The following CUX2 variants were observed in gnomAD, a reference collection of about 807,000 sequenced individuals.
The protein encoded by CUX2 is cut like homeobox 2.
Under a neutral mutation model 144.8 loss-of-function variants are expected in CUX2, and 40 were observed. That is an observed-to-expected ratio of 0.28 (90% CI 0.21 to 0.36). The LOEUF (loss-of-function observed/expected upper bound fraction) is 0.36. CUX2 is among the 10% of genes least tolerant of loss of function. CUX2 has a pLI of 1.00. For missense variants in CUX2, 1,615 were observed against 1,994.0 expected, an observed-to-expected ratio of 0.81 and a Z score of 3.62; for synonymous variants, 827 against 875.6, an observed-to-expected ratio of 0.94 and a Z score of 0.98.
intron 3 of CUX2, among the ~76,000 whole-genome samples, chr12:111,247,450 G>A (rs1047719182): frequency 1.3e-5 from 2 of 152,240 alleles, no homozygotes; most frequent in Non-Finnish European, 2.9e-5. Context: ...CTGGTATTTC[G>A]GAGAACTTGT....
In CUX2 at chr12:111,277,918, G is replaced by A. The variant is rs531648190; in HGVS notation, c.302-13500G>A. ...TCACTGGGCAACAATCAAAGCATTCGCAGGGCCGGGTTGTTTCTGAAAGCA... is the reference window on the plus strand; with the variant it reads ...TCACTGGGCAACAATCAAAGCATTCACAGGGCCGGGTTGTTTCTGAAAGCA... On this transcript the variant is annotated intron_variant, in intron 4 of 21. Transcript: ENST00000261726. The surrounding 1 kb of genome is among the most constrained non-coding windows in gnomAD (Gnocchi z 5.0). Among the ~76,000 whole-genome samples the A allele has an allele frequency of 3.3e-5, 5 of 152,292 alleles. No homozygotes were observed. Among genetic ancestry groups the A allele is most frequent in the Non-Finnish European group, 5.9e-5 (4 of 68,038 alleles).
At chr12:111,236,314 A>T (rs1013839283) in intron 3 of CUX2, among the ~76,000 whole-genome samples, 2 of 152,230 alleles carry the variant, frequency 1.3e-5, no homozygotes, top group African/African-American at 2.4e-5. Context: ...CACAGCAGCC[A>T]GATCTCCTGG....
intron 1 of CUX2, chr12:111,099,626 T>A: frequency 2.2e-6 from 1 of 456,718 alleles, no homozygotes; most frequent in Non-Finnish European, 4.4e-6. Context: ...CCTGCAGGGA[T>A]CCTGGCTGGG....
chr12:111,087,172 A>C (rs937543351), intron 1 of CUX2, among the ~76,000 whole-genome samples: 1 of 152,018 alleles, frequency 6.6e-6, no homozygotes. Context: ...CCTGGCCAAC[A>C]TGGTGAAACC....
chr12:111,067,205 G>A (rs900277633), intron 1 of CUX2, among the ~76,000 whole-genome samples: 3 of 152,216 alleles, frequency 2.0e-5, no homozygotes, highest in Admixed American at 1.3e-4. Flanking sequence ...GAAGCTGCCA[G>A]TCATAGTATG....
At position 111,320,816 on chromosome 12, in the gene CUX2, A is replaced by G. The variant is rs4766505; in HGVS notation, c.2766+41A>G. On this transcript the variant is annotated intron_variant, in intron 17 of 21. Coordinates refer to ENST00000261726, the MANE Select transcript of CUX2 (RefSeq NM_015267.4). This position sits in a 1 kb window ranked among gnomAD's most constrained non-coding sequence, Gnocchi z 8.1. The stretch of plus-strand genomic sequence containing the variant: ...GCCCCCGGTGTCTGGGCTCTGGGAG[A>G]AGATGTCGGAGAAGTAGGATGCCCA... The G allele has an allele frequency of 0.3, 436,521 of 1,435,144 alleles. 87,230 individuals carry two copies. Among genetic ancestry groups the G allele is most frequent in the East Asian group, 0.91 (33,243 of 36,694 alleles). 88.9% of individuals were successfully genotyped at this position (1,435,144 alleles called of 1,614,324 possible). A position where few individuals can be genotyped will look rare whatever the true frequency, so the allele number is the denominator to read the frequency against.
At chr12:111,234,364 T>A (rs1258548371) in intron 3 of CUX2, among the ~76,000 whole-genome samples, 8 of 152,202 alleles carry the variant, frequency 5.3e-5, no homozygotes, top group Non-Finnish European at 8.8e-5. Flanking sequence ...ATAAAGCTCC[T>A]ACTATGCATT....
chr12:111,292,458 C>T (rs781064379), intron 5 of CUX2, among the ~76,000 whole-genome samples: 4 of 152,136 alleles, frequency 2.6e-5, no homozygotes, highest in Admixed American at 2.6e-4. Context: ...GGTTTGGTGG[C>T]TCACACCTGT....
At position 111,037,782 on chromosome 12, in the gene CUX2, CT is replaced by C. The variant is rs941223545; in HGVS notation, c.63+3553del. Among the ~76,000 whole-genome samples the C allele has an allele frequency of 4.0e-4, 59 of 147,568 alleles. No individual in the cohort carries two copies. Among genetic ancestry groups the C allele is most frequent in the Admixed American group, 5.4e-4 (8 of 14,816 alleles). ...TTTTCTTTTTCTGCTTAACTTTCTA[CT>C]TTTTTTTTTTACCATGCTCTGGGTC... On this transcript the variant is annotated intron_variant, in intron 1 of 21. Coordinates refer to ENST00000261726, the MANE Select transcript of CUX2 (RefSeq NM_015267.4). This position sits in a 1 kb window ranked among gnomAD's most constrained non-coding sequence, Gnocchi z 5.4.
chr12:111,162,740 G>A (rs1337461094), intron 1 of CUX2, among the ~76,000 whole-genome samples: 1 of 152,172 alleles, frequency 6.6e-6, no homozygotes. Flanking sequence ...GCAGAGAGAC[G>A]AAGAGCATAG....
At chr12:111,268,154 G>T (rs561502080) in intron 4 of CUX2, among the ~76,000 whole-genome samples, 1 of 152,196 alleles carries the variant, frequency 6.6e-6, no homozygotes, top group Admixed American at 6.5e-5. Context: ...GATAATCCAG[G>T]TTGATTTCAT....
intron 4 of CUX2, among the ~76,000 whole-genome samples, chr12:111,266,473 C>CAAA (rs57419229): frequency 3.2e-5 from 3 of 93,376 alleles, no homozygotes; most frequent in Admixed American, 1.2e-4. Flanking sequence ...CCTGTCTCAA[C>CAAA]AAAAAAAAAA....
intron 4 of CUX2, among the ~76,000 whole-genome samples, chr12:111,281,527 G>A (rs1885115286): frequency 6.6e-6 from 1 of 152,220 alleles, no homozygotes; most frequent in African/African-American, 2.4e-5. Context: ...GAAGTCGGCT[G>A]CACAAAGACA....
Position 111,061,463 on chromosome 12 carries a change from T to C in CUX2, c.63+27223T>C, listed in dbSNP as rs1729248102. Reference sequence around the variant, plus strand: ...GGGCTTTTTAAAAGTAATTTTGCATTATGGAAGACAAAGTCGCCCCATTAT... The same window carrying C: ...GGGCTTTTTAAAAGTAATTTTGCATCATGGAAGACAAAGTCGCCCCATTAT... On this transcript the variant is annotated intron_variant, in intron 1 of 21. Coordinates refer to ENST00000261726, the MANE Select transcript of CUX2 (RefSeq NM_015267.4). This position sits in a 1 kb window ranked among gnomAD's most constrained non-coding sequence, Gnocchi z 4.2. 6.6e-6 allele frequency among the ~76,000 whole-genome samples: 1 copy of C among 152,136 alleles called. No individual in the cohort carries two copies. The highest frequency in any genetic ancestry group is 2.1e-4 in the South Asian group (1 of 4,828).
intron 1 of CUX2, among the ~76,000 whole-genome samples, chr12:111,169,836 A>G (rs1456444929): frequency 6.6e-6 from 1 of 152,130 alleles, no homozygotes; most frequent in Non-Finnish European, 1.5e-5. Flanking sequence ...TCGATTACAC[A>G]CAGAGACGTG....
chr12:111,272,233 G>T (rs185282203), intron 4 of CUX2, among the ~76,000 whole-genome samples: 89 of 152,208 alleles, frequency 5.8e-4, no homozygotes, highest in African/African-American at 2.1e-3. Flanking sequence ...TAGTGGATAA[G>T]CCACCTGCAC....
chr12:111,147,939 T>C (rs1876801200), intron 1 of CUX2, among the ~76,000 whole-genome samples: 1 of 152,174 alleles, frequency 6.6e-6, no homozygotes, highest in Admixed American at 6.5e-5. Flanking sequence ...GCTCTAGAAA[T>C]ACTGCTTCCA....
chr12:111,254,825 C>A (rs900280983), intron 3 of CUX2, among the ~76,000 whole-genome samples: 1 of 152,036 alleles, frequency 6.6e-6, no homozygotes, highest in Non-Finnish European at 1.5e-5. Flanking sequence ...TGGCCAAATG[C>A]GTTAATTCTG....
chr12:111,310,215 T>C lies in CUX2; in HGVS notation c.1433T>C (p.Leu478Pro). ...CCTGACGGCACTCGGACTTTCTCGC[T>C]GTCCCCCTTCCCCAGCCTGGCATCA... The part of the protein sequence containing the change: ...LGPDGTRTFS[L>P]SPFPSLASGE... The change falls in exon 15 of 22, where the codon CTG becomes CCG. Residue 478 changes from leucine to proline, a missense_variant. By Grantham distance (98) the Leu-to-Pro change is moderately conservative. Transcript: ENST00000261726. The surrounding 1 kb of genome is among the most constrained non-coding windows in gnomAD (Gnocchi z 7.9). 1.3e-6 allele frequency: 2 copies of C among 1,514,940 alleles called. No individual in the cohort carries two copies. Among genetic ancestry groups the C allele is most frequent in the Non-Finnish European group, 1.8e-6 (2 of 1,131,966 alleles). 93.8% of individuals were successfully genotyped at this position (1,514,940 alleles called of 1,614,324 possible). A position where few individuals can be genotyped will look rare whatever the true frequency, so the allele number is the denominator to read the frequency against.
Sources: gnomAD v4.1 joint callset for allele counts (sites outside exome capture counted in the v4.1 genomes callset) on GRCh38, gnomAD v4.1.1 for gene constraint, Gnocchi (gnomAD v3.1) non-coding constraint, MANE v1.5 for transcripts, NCBI Gene and HGNC (gene_info 2026-07-23, HGNC 2026-07-21) for gene names.